Variants in PPFIA2 observed in about 807,000 individuals in gnomAD.
PPFIA2 encodes PPFI scaffold protein A2.
PPFIA2 carries 46 observed loss-of-function variants against 175.5 expected under a neutral mutation model. The ratio of observed to expected loss-of-function variants is 0.26; its 90% CI spans 0.21 to 0.34. PPFIA2 has a LOEUF of 0.34. PPFIA2 is among the 10% of genes least tolerant of loss of function. The probability of loss-of-function intolerance (pLI) is 1.00; values close to 1 mark genes in which losing one functional copy is unlikely to be tolerated. For missense variants in PPFIA2, 1,179 were observed against 1,506.1 expected (o/e 0.78, Z 3.60); for synonymous variants, 568 against 511.4 (o/e 1.11, Z -1.49).
At chr12:81,285,020 T>C (rs372719316) in intron 24 of PPFIA2, among the ~76,000 whole-genome samples, 12 of 152,160 alleles carry the variant, frequency 7.9e-5, no homozygotes, top group African/African-American at 2.7e-4. Context: ...CTGATACCAT[T>C]ATAGAGAAGA....
At chr12:81,570,225 T>C (rs544790224) in intron 4 of PPFIA2, among the ~76,000 whole-genome samples, 14 of 152,346 alleles carry the variant, frequency 9.2e-5, no homozygotes, top group South Asian at 8.3e-4. Context: ...CCAGTGATAA[T>C]AGAACAAGAG....
intron 22 of PPFIA2, among the ~76,000 whole-genome samples, chr12:81,308,858 C>T (rs2050006997): frequency 6.6e-6 from 1 of 152,102 alleles, no homozygotes; most frequent in Non-Finnish European, 1.5e-5. Flanking sequence ...TGTTGCCATT[C>T]ATTTCATTTC....
chr12:81,328,711 G>T (rs2055384731), intron 21 of PPFIA2, among the ~76,000 whole-genome samples: 1 of 151,914 alleles, frequency 6.6e-6, no homozygotes, highest in African/African-American at 2.4e-5. Flanking sequence ...GCATTTTTTT[G>T]GGTATTATAA....
intron 3 of PPFIA2, among the ~76,000 whole-genome samples, chr12:81,729,213 A>G (rs1164674163): frequency 6.6e-6 from 1 of 151,566 alleles, no homozygotes; most frequent in East Asian, 1.9e-4. Context: ...GAATGACTAC[A>G]TTAGCATTTT....
intron 3 of PPFIA2, among the ~76,000 whole-genome samples, chr12:81,733,553 G>C (rs1438329153): frequency 6.6e-6 from 1 of 151,582 alleles, no homozygotes; most frequent in Non-Finnish European, 1.5e-5. Flanking sequence ...AGTAATGTGA[G>C]AATAGGAAAC....
At chr12:81,669,244 C>T (rs2070955591) in intron 4 of PPFIA2, among the ~76,000 whole-genome samples, 1 of 152,036 alleles carries the variant, frequency 6.6e-6, no homozygotes, top group Non-Finnish European at 1.5e-5. Context: ...TTTACTACCA[C>T]TACTATAGTC....
At chr12:81,387,020 A>G (rs1489866869) in intron 8 of PPFIA2, among the ~76,000 whole-genome samples, 1 of 152,052 alleles carries the variant, frequency 6.6e-6, no homozygotes, top group Non-Finnish European at 1.5e-5. Context: ...ACTGACCTCA[A>G]TGCCCCTTGT....
intron 6 of PPFIA2, among the ~76,000 whole-genome samples, chr12:81,440,792 T>A (rs2050031347): frequency 6.7e-6 from 1 of 149,054 alleles, no homozygotes; most frequent in South Asian, 2.1e-4. Flanking sequence ...TGTTTTATGT[T>A]TAGATCTATA....
At chr12:81,329,667 A>C (rs1342748977) in intron 21 of PPFIA2, among the ~76,000 whole-genome samples, 1 of 152,156 alleles carries the variant, frequency 6.6e-6, no homozygotes, top group Non-Finnish European at 1.5e-5. Context: ...GATGCGACTC[A>C]CTAGGCTCCC....
chr12:81,380,712 G>A (rs73354693), intron 9 of PPFIA2, among the ~76,000 whole-genome samples: 4,533 of 152,186 alleles, frequency 0.03, 214 homozygotes, highest in African/African-American at 0.1. Flanking sequence ...CCGTGCTGCC[G>A]AGGAGGGAAC....
intron 4 of PPFIA2, among the ~76,000 whole-genome samples, chr12:81,553,844 A>G (rs954528186): frequency 6.6e-6 from 1 of 152,054 alleles, no homozygotes; most frequent in Non-Finnish European, 1.5e-5. Context: ...GTTTTTGTCA[A>G]TAACAGTAAA....
chr12:81,512,341 G>A (rs1212892127), intron 4 of PPFIA2: 22 of 1,288,452 alleles, frequency 1.7e-5, no homozygotes, highest in Non-Finnish European at 2.2e-5. Context: ...TATCTCTTAT[G>A]TACCTGCAGC....
intron 4 of PPFIA2, among the ~76,000 whole-genome samples, chr12:81,586,696 A>G (rs529141079): frequency 2.0e-5 from 3 of 151,914 alleles, no homozygotes; most frequent in East Asian, 3.9e-4. Context: ...CTGAAAATTT[A>G]TATTATATAA....
chr12:81,471,897 T>C (rs974341278), intron 4 of PPFIA2, among the ~76,000 whole-genome samples: 2 of 152,202 alleles, frequency 1.3e-5, no homozygotes, highest in Admixed American at 6.5e-5. Context: ...ACATGTTTAT[T>C]ACCTGAATTC....
At chr12:81,649,785 A>T (rs1009607624) in intron 4 of PPFIA2, among the ~76,000 whole-genome samples, 4 of 152,202 alleles carry the variant, frequency 2.6e-5, no homozygotes, top group Non-Finnish European at 5.9e-5. Context: ...GCTAAGTGAA[A>T]TAAGTCATAT....
At chr12:81,267,847 C>A in intron 29 of PPFIA2, 65 bp downstream of exon 29, 1 of 1,397,068 alleles carries the variant, frequency 7.2e-7, no homozygotes, top group Non-Finnish European at 9.5e-7. Flanking sequence ...CAATTTTTTT[C>A]TAAAAGTTTA....
At chr12:81,317,968 A>G (rs568042164) in intron 22 of PPFIA2, among the ~76,000 whole-genome samples, 2 of 151,610 alleles carry the variant, frequency 1.3e-5, no homozygotes, top group African/African-American at 2.4e-5. Flanking sequence ...TATGGTGAAC[A>G]ATTCCCTTTC....
chr12:81,361,694 T>A (rs983663410), intron 15 of PPFIA2, among the ~76,000 whole-genome samples: 4 of 151,630 alleles, frequency 2.6e-5, no homozygotes, highest in Non-Finnish European at 4.4e-5. Context: ...GAGCATACTA[T>A]ATGCAAGATA....
chr12:81,284,310 A>T lies in PPFIA2; in HGVS notation c.2926-7T>A. ...CCCAAACGTTGCCTGAAGGCTAGTG[A>T]GGAGGCCCAGAGGGAAGCAGAGGAA... On this transcript the variant is annotated splice_polypyrimidine_tract_variant and splice_region_variant and intron_variant, in intron 24 of 32. Coordinates refer to ENST00000549396, the MANE Select transcript of PPFIA2 (RefSeq NM_003625.5). The T allele has an allele frequency of 6.4e-7, 1 of 1,573,812 alleles. No homozygotes were observed. The highest frequency in any genetic ancestry group is 8.7e-7 in the Non-Finnish European group (1 of 1,148,042).
Sources: allele counts gnomAD v4.1 joint callset (sites outside exome capture counted in the v4.1 genomes callset), GRCh38; gene constraint gnomAD v4.1.1; transcripts MANE v1.5; gene names NCBI Gene and HGNC (gene_info 2026-07-23, HGNC 2026-07-21).